The following PC variants were observed in gnomAD, a reference collection of about 807,000 sequenced individuals.
PC encodes pyruvate carboxylase, mitochondrial.
Under a neutral mutation model 107.8 loss-of-function variants are expected in PC, and 46 were observed. The ratio of observed to expected loss-of-function variants is 0.43; its 90% CI spans 0.34 to 0.55. The LOEUF (loss-of-function observed/expected upper bound fraction) is 0.55. Ranked by LOEUF, PC falls within the 20% of genes least tolerant of loss-of-function variation. The pLI, the probability that PC is intolerant of heterozygous loss-of-function variation, is 0.04. For synonymous variants in PC, 662 were observed against 684.7 expected (o/e 0.97, Z 0.52); for missense variants, 1,241 against 1,643.1 (o/e 0.76, Z 4.23).
At chr11:66,938,250 A>C (rs1430332020) in intron 3 of PC, among the ~76,000 whole-genome samples, 1 of 152,106 alleles carries the variant, frequency 6.6e-6, no homozygotes, top group Admixed American at 6.6e-5. Flanking sequence ...TTCCTGAATA[A>C]ATGTGTCTTA....
chr11:66,942,997 C>T (rs141061800), intron 3 of PC, among the ~76,000 whole-genome samples: 4,172 of 148,934 alleles, frequency 0.028, 172 homozygotes, highest in African/African-American at 0.088. Context: ...GCCTGGGCAA[C>T]GAGAGCGAAA....
At position 66,848,795 on chromosome 11, in the gene PC, G is replaced by T. The variant is rs1945294969; in HGVS notation, c.*104C>A. The T allele has an allele frequency of 1.9e-5, 28 of 1,469,032 alleles. No homozygotes were observed. In the South Asian group the frequency reaches 2.9e-4, roughly 15 times the overall value. 91.0% of individuals were successfully genotyped at this position (1,469,032 alleles called of 1,614,324 possible). ...TCCAGCTGTGGACAGGACCTCCACG[G>T]CCCGGCCTTCCTGGCCTCGGGCACT... On this transcript the variant is annotated 3_prime_UTR_variant, in exon 23 of 23. Coordinates refer to ENST00000393960, the MANE Select transcript of PC (RefSeq NM_001040716.2).
intron 3 of PC, among the ~76,000 whole-genome samples, chr11:66,893,507 A>T (rs1045644258): frequency 1.7e-4 from 26 of 152,228 alleles, no homozygotes; most frequent in Non-Finnish European, 2.8e-4. Flanking sequence ...GACAGCAGAC[A>T]GGCACTCTAT....
At chr11:66,913,639 G>C (rs1948396648) in intron 3 of PC, among the ~76,000 whole-genome samples, 1 of 147,578 alleles carries the variant, frequency 6.8e-6, no homozygotes, top group Non-Finnish European at 1.5e-5. Flanking sequence ...TTCAGCCTAG[G>C]CAACAAGAGA....
chr11:66,868,828 C>T lies in PC; in HGVS notation c.1022+18G>A. 6.3e-7 allele frequency: 1 copy of T among 1,596,074 alleles called. No homozygotes were observed. Among genetic ancestry groups the T allele is most frequent in the Admixed American group, 1.7e-5 (1 of 60,006 alleles). On this transcript the variant is annotated intron_variant, in intron 10 of 22. Coordinates refer to ENST00000393960, the MANE Select transcript of PC (RefSeq NM_001040716.2). ...CTAGAAGCCGCGCCTCCCGCCCCGCCTGCCCGCCCACACTCACTCGGTGAT... is the reference window on the plus strand; with the variant it reads ...CTAGAAGCCGCGCCTCCCGCCCCGCTTGCCCGCCCACACTCACTCGGTGAT...
chr11:66,929,852 G>T (rs1948805051), intron 3 of PC, among the ~76,000 whole-genome samples: 1 of 152,054 alleles, frequency 6.6e-6, no homozygotes, highest in African/African-American at 2.4e-5. Context: ...AGGCAAGCTG[G>T]CAAGAAAATA....
chr11:66,956,338 A>C (rs1949560662), intron 1 of PC, among the ~76,000 whole-genome samples: 1 of 151,570 alleles, frequency 6.6e-6, no homozygotes, highest in Non-Finnish European at 1.5e-5. Context: ...TAATCCCAGC[A>C]CTTTGGGAGG....
chr11:66,926,842 C>T (rs996149440), intron 3 of PC, among the ~76,000 whole-genome samples: 1 of 151,548 alleles, frequency 6.6e-6, no homozygotes, highest in Non-Finnish European at 1.5e-5. Flanking sequence ...TTTTGCTTAG[C>T]ACAATGTTTT....
chr11:66,859,943 G>C (rs1946141491), intron 12 of PC: 1 of 1,595,962 alleles, frequency 6.3e-7, no homozygotes, highest in South Asian at 1.1e-5. Flanking sequence ...TCCCCCTCAA[G>C]CTCAGCCACG....
intron 3 of PC, among the ~76,000 whole-genome samples, chr11:66,943,016 CAA>C (rs373572519): frequency 1.6e-5 from 2 of 121,458 alleles, no homozygotes; most frequent in African/African-American, 2.9e-5. Flanking sequence ...AACTCCATCT[CAA>C]AAAAAAAAAA....
rs1945549838 is a variant in PC at position 66,852,335 on chromosome 11, T to A, written c.1825+104A>T. On this transcript the variant is annotated intron_variant, in intron 15 of 22. Transcript: ENST00000393960. This position sits in a 1 kb window ranked among gnomAD's most constrained non-coding sequence, Gnocchi z 4.7. ...CTTCGGTCCTTCCTCTTTGGTGTTC[T>A]TCGTGTCAGCGTCTCTAGCTTGTCC... 4 of 983,680 alleles carry A rather than the reference T, an allele frequency of 4.1e-6. No homozygotes were observed. In the Admixed American group the frequency reaches 7.1e-5, roughly 17 times the overall value. The allele number at this position is 983,680 out of a possible 1,614,324, so 60.9% of individuals were successfully genotyped here.
At chr11:66,898,460 A>G (rs1421373555) in intron 3 of PC, among the ~76,000 whole-genome samples, 1 of 152,202 alleles carries the variant, frequency 6.6e-6, no homozygotes, top group South Asian at 2.1e-4. Context: ...TGGGCAGATC[A>G]CTTGAAGTCA....
At chr11:66,942,180 C>T (rs186003710) in intron 3 of PC, among the ~76,000 whole-genome samples, 66 of 151,236 alleles carry the variant, frequency 4.4e-4, no homozygotes, top group African/African-American at 1.5e-3. Context: ...GGACGGATCA[C>T]GAAGTCAGGA....
At chr11:66,930,644 A>G (rs562215391) in intron 3 of PC, among the ~76,000 whole-genome samples, 1 of 151,026 alleles carries the variant, frequency 6.6e-6, no homozygotes, top group Non-Finnish European at 1.5e-5. Flanking sequence ...TGGGAGGTTG[A>G]GACAGGAGAA....
intron 1 of PC, chr11:66,958,089 G>A (rs1949615380): frequency 6.6e-6 from 1 of 151,414 alleles, no homozygotes; most frequent in Non-Finnish European, 1.5e-5. Flanking sequence ...CGGGTCCGGG[G>A]GCGGGTCCAG....
chr11:66,942,683 T>C (rs967252955), intron 3 of PC, among the ~76,000 whole-genome samples: 9 of 152,100 alleles, frequency 5.9e-5, no homozygotes, highest in Non-Finnish European at 1.2e-4. Flanking sequence ...AATATAAATA[T>C]ACTTAATACC....
In PC at chr11:66,849,135, G is replaced by C; in HGVS notation, c.3301C>G (p.His1101Asp). The stretch of plus-strand genomic sequence containing the variant: ...TTCACGTCCTTTAGGGCCTTGGGGT[G>C]GAAGTGCATCTCCTGAAGACACAGG... ...DTQAMKEMHFHPKALKDVKGQ... is the reference protein window; with the variant it reads ...DTQAMKEMHFDPKALKDVKGQ... The change falls in exon 23 of 23, where the codon CAC becomes GAC. Residue 1101 changes from histidine to aspartate, a missense_variant. His to Asp is a moderately conservative substitution (Grantham distance 81). This residue lies in a region of PC where 1,143 missense variants were observed against 1,551.9 expected (regional missense o/e 0.74). Coordinates refer to ENST00000393960, the MANE Select transcript of PC (RefSeq NM_001040716.2). 1.9e-6 allele frequency: 3 copies of C among 1,613,984 alleles called. No homozygotes were observed. The highest frequency in any genetic ancestry group is 2.5e-6 in the Non-Finnish European group (3 of 1,180,022).
chr11:66,868,211 AGAT>A (rs1946576795), intron 10 of PC, among the ~76,000 whole-genome samples: 1 of 152,376 alleles, frequency 6.6e-6, no homozygotes, highest in Non-Finnish European at 1.5e-5. Flanking sequence ...TCAGGCACAC[AGAT>A]GATAAGTGAC....
chr11:66,914,177 T>C (rs1191255075), intron 3 of PC, among the ~76,000 whole-genome samples: 1 of 152,058 alleles, frequency 6.6e-6, no homozygotes. Context: ...TTCCTGCCCC[T>C]CTCTCTCCAT....
Sources: allele counts gnomAD v4.1 joint callset (sites outside exome capture counted in the v4.1 genomes callset), GRCh38; gene constraint gnomAD v4.1.1; regional missense constraint gnomAD v4.1.1; non-coding constraint Gnocchi (gnomAD v3.1); transcripts MANE v1.5; gene names NCBI Gene and HGNC (gene_info 2026-07-23, HGNC 2026-07-21).